The following TUSC3 variants were observed in gnomAD, a reference collection of about 807,000 sequenced individuals.
The protein encoded by TUSC3 is tumor suppressor candidate 3.
In TUSC3, 45 loss-of-function variants were observed where a neutral mutation model predicts 44.8. The ratio of observed to expected loss-of-function variants is 1.00; its 90% CI spans 0.79 to 1.29. The LOEUF (loss-of-function observed/expected upper bound fraction) is 1.29. TUSC3 is among the 50% of genes most tolerant of loss of function. The pLI is 0.00. For synonymous variants in TUSC3, 212 were observed against 152.9 expected (o/e 1.39, Z -2.85); for missense variants, 519 against 437.9 (o/e 1.19, Z -1.65).
At chr8:15,450,538 A>T (rs567432350) in intron 1 of TUSC3, among the ~76,000 whole-genome samples, 1 of 151,872 alleles carries the variant, frequency 6.6e-6, no homozygotes, top group African/African-American at 2.4e-5. Flanking sequence ...ACAAAAATTC[A>T]CCCCACCTGT....
chr8:15,540,199 G>A (rs935642283), upstream of TUSC3: 2 of 517,246 alleles, frequency 3.9e-6, no homozygotes, highest in Non-Finnish European at 3.1e-6. Flanking sequence ...CCCTCGCCAC[G>A]CCCACTTCCT....
At chr8:15,715,729 G>A (rs1391484616) in intron 6 of TUSC3, among the ~76,000 whole-genome samples, 1 of 151,766 alleles carries the variant, frequency 6.6e-6, no homozygotes. Flanking sequence ...CATTTTTCTA[G>A]CGGTGGTCTC....
chr8:15,420,558 C>T (rs1459011687), intron 1 of TUSC3, among the ~76,000 whole-genome samples: 3 of 151,688 alleles, frequency 2.0e-5, no homozygotes, highest in African/African-American at 7.3e-5. Flanking sequence ...CTTGTGAAGT[C>T]ATTTCCCCTA....
intron 6 of TUSC3, among the ~76,000 whole-genome samples, chr8:15,701,120 G>A (rs1809386089): frequency 1.3e-5 from 2 of 152,176 alleles, no homozygotes; most frequent in East Asian, 3.9e-4. Flanking sequence ...TTAAAAAAAT[G>A]TTACAGAAGT....
intron 1 of TUSC3, among the ~76,000 whole-genome samples, chr8:15,593,463 A>G (rs986261051): frequency 6.6e-6 from 1 of 152,182 alleles, no homozygotes; most frequent in South Asian, 2.1e-4. Flanking sequence ...TGATTAGAGC[A>G]TTATTATATA....
chr8:15,656,516 AT>A (rs545827702), intron 3 of TUSC3, among the ~76,000 whole-genome samples: 68 of 152,136 alleles, frequency 4.5e-4, no homozygotes, highest in Non-Finnish European at 8.2e-4. Flanking sequence ...GCTGGAGATT[AT>A]TTTTTTTCAT....
At chr8:15,801,043 A>T in the TUSC3 span, among the ~76,000 whole-genome samples, 3 of 152,312 alleles carry the variant, frequency 2.0e-5, no homozygotes, top group Middle Eastern at 6.8e-3. Context: ...ATCTCACCCA[A>T]GAAAGAATTC....
intron 1 of TUSC3, among the ~76,000 whole-genome samples, chr8:15,545,305 G>A (rs1801825195): frequency 6.6e-6 from 1 of 151,536 alleles, no homozygotes; most frequent in African/African-American, 2.4e-5. Flanking sequence ...CAACATGAGG[G>A]GGTCTAGGTG....
rs1022731530 is a variant in TUSC3 at position 15,642,680 on chromosome 8, G to A, written c.309-8017G>A. Reference sequence around the variant, plus strand: ...CGCTTTCCTCATTTTGACTTCTCAGGTTTTGCAATATATATATATGAATTT... The same window carrying A: ...CGCTTTCCTCATTTTGACTTCTCAGATTTTGCAATATATATATATGAATTT... On this transcript the variant is annotated intron_variant, in intron 2 of 10. Transcript: ENST00000503731. Among the ~76,000 whole-genome samples the A allele has an allele frequency of 2.6e-5, 4 of 152,032 alleles. No individual in the cohort carries two copies. In the East Asian group the frequency reaches 5.8e-4, roughly 22 times the overall value.
At chr8:15,769,180 T>C (rs536235874), downstream of TUSC3, among the ~76,000 whole-genome samples, 113 of 152,218 alleles carry the variant, frequency 7.4e-4, no homozygotes, top group Non-Finnish European at 1.2e-3. Context: ...CAAACTATAC[T>C]ACAAAGCTAC....
the TUSC3 span, among the ~76,000 whole-genome samples, chr8:15,827,894 T>C: frequency 6.6e-5 from 10 of 152,244 alleles, no homozygotes; most frequent in East Asian, 1.9e-3. Flanking sequence ...GACCCAAATT[T>C]TGCGGGGCCA....
chr8:15,504,833 C>T (rs1215344796), intron 2 of TUSC3, among the ~76,000 whole-genome samples: 1 of 150,218 alleles, frequency 6.7e-6, no homozygotes, highest in African/African-American at 2.4e-5. Flanking sequence ...TTTGTATTTT[C>T]AGTAGAGATA....
intron 2 of TUSC3, among the ~76,000 whole-genome samples, chr8:15,499,285 C>T (rs1367443374): frequency 6.6e-6 from 1 of 152,156 alleles, no homozygotes; most frequent in Non-Finnish European, 1.5e-5. Context: ...TCAACATTTA[C>T]TTTTCAAACC....
chr8:15,444,766 GAA>G (rs56249574), intron 1 of TUSC3, among the ~76,000 whole-genome samples: 1 of 151,454 alleles, frequency 6.6e-6, no homozygotes. Context: ...TATATGTATA[GAA>G]AAAAAAATAA....
At chr8:15,587,037 G>T (rs1585128434) in intron 1 of TUSC3, among the ~76,000 whole-genome samples, 3 of 152,270 alleles carry the variant, frequency 2.0e-5, no homozygotes, top group African/African-American at 7.2e-5. Context: ...TTAATAGCCA[G>T]TTTTTCTTAC....
At chr8:15,703,644 G>GC (rs1809496342) in intron 6 of TUSC3, among the ~76,000 whole-genome samples, 1 of 152,152 alleles carries the variant, frequency 6.6e-6, no homozygotes, top group Non-Finnish European at 1.5e-5. Context: ...TCCACTCATA[G>GC]CCAAAGTTAT....
chr8:15,717,823 C>G (rs577300272), intron 6 of TUSC3, among the ~76,000 whole-genome samples: 56 of 152,030 alleles, frequency 3.7e-4, no homozygotes, highest in Admixed American at 6.6e-4. Context: ...TACTTTTATC[C>G]CTAGTTACAA....
At chr8:15,583,016 A>G (rs1803437525) in intron 1 of TUSC3, among the ~76,000 whole-genome samples, 1 of 152,320 alleles carries the variant, frequency 6.6e-6, no homozygotes, top group African/African-American at 2.4e-5. Context: ...TGATTTCAAC[A>G]ACATGTAAAG....
intron 2 of TUSC3, among the ~76,000 whole-genome samples, chr8:15,523,426 T>G (rs1801324275): frequency 6.6e-6 from 1 of 152,026 alleles, no homozygotes; most frequent in African/African-American, 2.4e-5. Flanking sequence ...TTACATGGTT[T>G]TCATAGGAGT....
Sources: allele counts gnomAD v4.1 joint callset (sites outside exome capture counted in the v4.1 genomes callset), GRCh38; gene constraint gnomAD v4.1.1; transcripts MANE v1.5; gene names NCBI Gene and HGNC (gene_info 2026-07-23, HGNC 2026-07-21).